Variants in FOXO3 observed in about 807,000 individuals in gnomAD.
FOXO3 encodes the protein forkhead box protein O3.
FOXO3 carries 4 observed loss-of-function variants against 41.9 expected under a neutral mutation model. The ratio of observed to expected loss-of-function variants is 0.10; its 90% confidence interval spans 0.05 to 0.22. The LOEUF is 0.22. FOXO3 is among the 10% of genes least tolerant of loss of function. FOXO3 has a pLI of 1.00. For synonymous variants in FOXO3, 318 were observed against 389.3 expected (o/e 0.82, Z 2.16); for missense variants, 534 against 906.8 (o/e 0.59, Z 5.28).
At position 108,679,106 on chromosome 6, in the gene FOXO3, C is replaced by T. The variant is rs1055121780; in HGVS notation, c.*35-721C>T. ...CAGGATGGTCTCGATCTCCTGACCT[C>T]GTGATCTGCCCTCCTCAGCCTTCGA... On this transcript the variant is annotated intron_variant, in intron 2 of 2. Coordinates refer to ENST00000406360, the MANE Select transcript of FOXO3 (RefSeq NM_001455.4). Among the ~76,000 whole-genome samples, 9 of 152,016 alleles carry T rather than the reference C, an allele frequency of 5.9e-5. No individual in the cohort carries two copies. The East Asian group carries it at 7.8e-4, about 13-fold the overall frequency.
chr6:108,653,470 G>C (rs1309906947), intron 1 of FOXO3, among the ~76,000 whole-genome samples: 1 of 152,208 alleles, frequency 6.6e-6, no homozygotes, highest in Non-Finnish European at 1.5e-5. Context: ...CAGGTGGTGT[G>C]AGTCTGTCTC....
intron 1 of FOXO3, among the ~76,000 whole-genome samples, chr6:108,586,239 T>C (rs1209031539): frequency 6.6e-6 from 1 of 152,206 alleles, no homozygotes; most frequent in African/African-American, 2.4e-5. Context: ...ACTCTTGAGT[T>C]TCATAGCAGC....
intron 1 of FOXO3, among the ~76,000 whole-genome samples, chr6:108,662,058 T>C (rs561019672): frequency 6.6e-6 from 1 of 152,296 alleles, no homozygotes; most frequent in East Asian, 1.9e-4. Flanking sequence ...TTTCACTTAA[T>C]GTTTTTTTTT....
At chr6:108,601,943 G>C (rs1026387649) in intron 1 of FOXO3, among the ~76,000 whole-genome samples, 1 of 152,104 alleles carries the variant, frequency 6.6e-6, no homozygotes, top group Admixed American at 6.5e-5. Context: ...ATAAAGCCTT[G>C]TGCTATGAAT....
At chr6:108,571,009 T>C (rs1380852932) in intron 1 of FOXO3, among the ~76,000 whole-genome samples, 1 of 152,206 alleles carries the variant, frequency 6.6e-6, no homozygotes, top group Non-Finnish European at 1.5e-5. Flanking sequence ...TTTTTGCTAC[T>C]CAGTTCCTGA....
intron 1 of FOXO3, among the ~76,000 whole-genome samples, chr6:108,573,879 C>T (rs112799621): frequency 0.036 from 5,507 of 152,046 alleles, 135 homozygotes; most frequent in Middle Eastern, 0.095. Context: ...ATTGGCCGGG[C>T]GCGGCGGCTC....
chr6:108,609,579 G>A (rs1777300853), intron 1 of FOXO3, among the ~76,000 whole-genome samples: 1 of 152,186 alleles, frequency 6.6e-6, no homozygotes, highest in Admixed American at 6.5e-5. Context: ...TTGTTAAGAA[G>A]GGAAGCAGGA....
intron 2 of FOXO3, among the ~76,000 whole-genome samples, chr6:108,675,342 T>C (rs1309304729): frequency 6.6e-6 from 1 of 152,116 alleles, no homozygotes; most frequent in Non-Finnish European, 1.5e-5. Flanking sequence ...GGCAGTCCAC[T>C]CCAGGTCTAG....
intron 1 of FOXO3, among the ~76,000 whole-genome samples, chr6:108,628,208 C>T (rs902511104): frequency 1.3e-5 from 2 of 152,112 alleles, no homozygotes; most frequent in Non-Finnish European, 2.9e-5. Context: ...GTTCTCCCTC[C>T]ACAGAGATAG....
rs201640310 is a variant in FOXO3 at position 108,664,604 on chromosome 6, T to C, written c.1771T>C (p.Ser591Pro). The C allele has an allele frequency of 1.0e-6, 1 of 990,954 alleles. No individual in the cohort carries two copies. The highest frequency in any genetic ancestry group is 2.4e-5 in the East Asian group (1 of 41,748). The allele number at this position is 990,954 out of a possible 1,614,324, so 61.4% of individuals were successfully genotyped here. The change falls in exon 2 of 3, where the codon TCC (serine) becomes CCC (proline). Residue 591 changes from serine to proline, a missense_variant. Ser to Pro is a moderately conservative substitution (Grantham distance 74). Coordinates refer to ENST00000406360, the MANE Select transcript of FOXO3 (RefSeq NM_001455.4). ...CCTCTCGGACTCTCTCTCAGGCTCC[T>C]CCTTGTACTCAACTAGTGCAAACCT... Reference protein sequence around the residue: ...QTLSDSLSGSSLYSTSANLPV... With the variant: ...QTLSDSLSGSPLYSTSANLPV...
chr6:108,592,090 A>G (rs1172018261), intron 1 of FOXO3, among the ~76,000 whole-genome samples: 2 of 152,224 alleles, frequency 1.3e-5, no homozygotes, highest in East Asian at 3.9e-4. Flanking sequence ...TTATGGCAAC[A>G]GGAAGCAGAT....
chr6:108,672,497 C>T (rs1170974927), intron 2 of FOXO3, among the ~76,000 whole-genome samples: 1 of 152,208 alleles, frequency 6.6e-6, no homozygotes, highest in Non-Finnish European at 1.5e-5. Flanking sequence ...TGTGTCTTTC[C>T]TGCTCAGTAA....
At chr6:108,592,988 A>G (rs1415157018) in intron 1 of FOXO3, among the ~76,000 whole-genome samples, 1 of 152,244 alleles carries the variant, frequency 6.6e-6, no homozygotes, top group African/African-American at 2.4e-5. Context: ...ATGCGTGCTT[A>G]GGAATGCATA....
intron 1 of FOXO3, among the ~76,000 whole-genome samples, chr6:108,624,789 AGTT>A (rs1294336985): frequency 6.6e-6 from 1 of 151,942 alleles, no homozygotes; most frequent in Non-Finnish European, 1.5e-5. Flanking sequence ...TTTTTTTTGC[AGTT>A]GTTTAACTTT....
At chr6:108,668,733 T>C (rs1422344305) in intron 2 of FOXO3, among the ~76,000 whole-genome samples, 1 of 152,178 alleles carries the variant, frequency 6.6e-6, no homozygotes, top group Non-Finnish European at 1.5e-5. Flanking sequence ...GGTTCACTTC[T>C]TGTCTCTGCC....
At chr6:108,670,821 A>G (rs1248830645) in intron 2 of FOXO3, among the ~76,000 whole-genome samples, 1 of 152,068 alleles carries the variant, frequency 6.6e-6, no homozygotes, top group Non-Finnish European at 1.5e-5. Flanking sequence ...TGACCTTGTC[A>G]TATATCTAGT....
In FOXO3 at chr6:108,664,160, C is replaced by T; in HGVS notation, c.1327C>T (p.Leu443=). 3 of 1,613,904 alleles carry T rather than the reference C, an allele frequency of 1.9e-6. No homozygotes were observed. Among genetic ancestry groups the T allele is most frequent in the African/African-American group, 1.3e-5 (1 of 74,998 alleles). The change falls in exon 2 of 3, where the codon CTA becomes TTA. Residue 443 remains leucine (L), a synonymous_variant. Coordinates refer to ENST00000406360, the MANE Select transcript of FOXO3 (RefSeq NM_001455.4). The stretch of plus-strand genomic sequence containing the variant: ...GTTCGGACCTTCATCTCTGAACTCC[C>T]TACGCCAGTCTCCCATGCAGACCAT... The part of the protein sequence containing the change: ...TVFGPSSLNS[L]RQSPMQTIQE...
chr6:108,672,380 A>G (rs1446093659), intron 2 of FOXO3, among the ~76,000 whole-genome samples: 1 of 152,182 alleles, frequency 6.6e-6, no homozygotes, highest in Non-Finnish European at 1.5e-5. Context: ...AAACCCAGAA[A>G]AAAAATAGGC....
intron 1 of FOXO3, among the ~76,000 whole-genome samples, chr6:108,564,239 C>T (rs905737593): frequency 6.6e-6 from 1 of 152,102 alleles, no homozygotes; most frequent in Non-Finnish European, 1.5e-5. Flanking sequence ...TGGAGAAGGC[C>T]CTTTGAAACT....
Sources: gnomAD v4.1 joint callset for allele counts (sites outside exome capture counted in the v4.1 genomes callset) on GRCh38, gnomAD v4.1.1 for gene constraint, MANE v1.5 for transcripts, NCBI Gene and HGNC (gene_info 2026-07-23, HGNC 2026-07-21) for gene names.